PAX7: variants seen among roughly 807,000 people sequenced by gnomAD.
The protein encoded by PAX7 is paired box 7, also known as paired box protein Pax-7.
In PAX7, 18 loss-of-function variants were observed where a neutral mutation model predicts 50.7. That is an observed-to-expected ratio of 0.36 (90% CI 0.25 to 0.53). The LOEUF (loss-of-function observed/expected upper bound fraction) is 0.53, where lower values mean the gene tolerates loss of function less well. Ranked by LOEUF, PAX7 falls within the 20% of genes least tolerant of loss-of-function variation. The probability of loss-of-function intolerance (pLI) is 0.93; values close to 1 mark genes in which losing one functional copy is unlikely to be tolerated. For missense variants in PAX7, 644 were observed against 702.9 expected (o/e 0.92, Z 0.95); for synonymous variants, 310 against 290.4 (o/e 1.07, Z -0.69).
chr1:18,647,390 G>T (rs2100449175), intron 4 of PAX7, among the ~76,000 whole-genome samples: 1 of 151,736 alleles, frequency 6.6e-6, no homozygotes, highest in East Asian at 2.0e-4. Context: ...CAGGGAGCTG[G>T]GTACAGAGGT....
At chr1:18,659,460 G>C (rs958199420) in intron 4 of PAX7, among the ~76,000 whole-genome samples, 1 of 152,096 alleles carries the variant, frequency 6.6e-6, no homozygotes, top group Admixed American at 6.5e-5. Flanking sequence ...CTACTGAGGG[G>C]GCCTGAAAAG....
intron 4 of PAX7, among the ~76,000 whole-genome samples, chr1:18,672,618 G>T (rs12093653): frequency 0.39 from 34,546 of 89,272 alleles, 5,407 homozygotes; most frequent in African/African-American, 0.58. Context: ...TTTTTTTTTT[G>T]TGAGACTAAG....
At chr1:18,704,423 C>G (rs1557541204) in intron 7 of PAX7, among the ~76,000 whole-genome samples, 1 of 152,160 alleles carries the variant, frequency 6.6e-6, no homozygotes, top group Non-Finnish European at 1.5e-5. Context: ...GAGTTCGAGA[C>G]CAGCCTGGCC....
At chr1:18,661,431 C>T (rs926439170) in intron 4 of PAX7, among the ~76,000 whole-genome samples, 1 of 152,204 alleles carries the variant, frequency 6.6e-6, no homozygotes, top group Non-Finnish European at 1.5e-5. Context: ...GACTTTAATC[C>T]TCCTCCAGCT....
chr1:18,721,403 C>T (rs2089492147), intron 7 of PAX7, among the ~76,000 whole-genome samples: 1 of 152,362 alleles, frequency 6.6e-6, no homozygotes, highest in Non-Finnish European at 1.5e-5. Flanking sequence ...AGGGACTGAG[C>T]TTCCCGAATC....
chr1:18,705,945 G>A (rs375805748), intron 7 of PAX7, among the ~76,000 whole-genome samples: 1 of 152,206 alleles, frequency 6.6e-6, no homozygotes, highest in African/African-American at 2.4e-5. Context: ...GGGACCAGGA[G>A]GTGAACAGCT....
At chr1:18,642,243 C>T (rs149450616) in intron 4 of PAX7, among the ~76,000 whole-genome samples, 1 of 152,166 alleles carries the variant, frequency 6.6e-6, no homozygotes, top group African/African-American at 2.4e-5. Flanking sequence ...ATCATTCTAT[C>T]ACCATCAACA....
chr1:18,737,481 A>T (rs764178790), intron 8 of PAX7, among the ~76,000 whole-genome samples: 4 of 152,278 alleles, frequency 2.6e-5, no homozygotes, highest in Non-Finnish European at 5.9e-5. Context: ...GTGTATGTAC[A>T]CATGTGTGTA....
chr1:18,634,156 G>C lies in PAX7; in HGVS notation c.86-147G>C. 1.6e-6 allele frequency: 1 copy of C among 620,468 alleles called. No individual in the cohort carries two copies. Among genetic ancestry groups the C allele is most frequent in the Non-Finnish European group, 2.9e-6 (1 of 349,608 alleles). The allele number at this position is 620,468 out of a possible 1,614,324, so 38.4% of individuals were successfully genotyped here. A position where few individuals can be genotyped will look rare whatever the true frequency, so the allele number is the denominator to read the frequency against. On this transcript the variant is annotated intron_variant, in intron 1 of 8. Coordinates refer to ENST00000420770, the MANE Select transcript of PAX7 (RefSeq NM_001135254.2). This position sits in a 1 kb window ranked among gnomAD's most constrained non-coding sequence, Gnocchi z 4.0. ...TTGTTTCTCAAACTACCTACCTACCGAAGCCCCAGTGTGAGGACCACCGGG... is the reference window on the plus strand; with the variant it reads ...TTGTTTCTCAAACTACCTACCTACCCAAGCCCCAGTGTGAGGACCACCGGG...
intron 7 of PAX7, among the ~76,000 whole-genome samples, chr1:18,716,964 G>A (rs1216706707): frequency 4.3e-5 from 3 of 69,142 alleles, no homozygotes; most frequent in African/African-American, 1.8e-4. Context: ...CCAAGTCCAG[G>A]GCGGGGGTTG....
chr1:18,664,579 G>A (rs907320665), intron 4 of PAX7, among the ~76,000 whole-genome samples: 1 of 152,178 alleles, frequency 6.6e-6, no homozygotes, highest in Non-Finnish European at 1.5e-5. Flanking sequence ...AGCCCTCTAT[G>A]AACTAGCCTT....
intron 4 of PAX7, among the ~76,000 whole-genome samples, chr1:18,672,762 C>T (rs1189302283): frequency 2.0e-5 from 3 of 152,112 alleles, no homozygotes; most frequent in Middle Eastern, 3.4e-3. Context: ...TGTACTACCA[C>T]GCCCGGCTAA....
intron 7 of PAX7, among the ~76,000 whole-genome samples, chr1:18,733,154 A>G (rs1348657117): frequency 1.3e-5 from 1 of 74,636 alleles, no homozygotes; most frequent in Non-Finnish European, 4.0e-5. Flanking sequence ...TCTCCTCCCC[A>G]AGCCCCTTAG....
At chr1:18,639,231 G>T (rs1275907726) in intron 4 of PAX7, among the ~76,000 whole-genome samples, 1 of 152,166 alleles carries the variant, frequency 6.6e-6, no homozygotes, top group Non-Finnish European at 1.5e-5. Context: ...GGCATGGTAA[G>T]AAACTATTTA....
In PAX7 at chr1:18,747,441, G is replaced by A. The variant is rs1416296462; in HGVS notation, c.*2512G>A. The A allele has an allele frequency of 1.3e-5, 3 of 224,402 alleles. No individual in the cohort carries two copies. The highest frequency in any genetic ancestry group is 1.8e-5 in the Non-Finnish European group (2 of 112,530). 13.9% of individuals were successfully genotyped at this position (224,402 alleles called of 1,614,324 possible). A position where few individuals can be genotyped will look rare whatever the true frequency, so the allele number is the denominator to read the frequency against. ...CAGAAAGAGGCCCTTGACCCTGATAGGTTCTCTCTAAAACCCGTATATTAA... is the reference window on the plus strand; with the variant it reads ...CAGAAAGAGGCCCTTGACCCTGATAAGTTCTCTCTAAAACCCGTATATTAA... On this transcript the variant is annotated 3_prime_UTR_variant, in exon 9 of 9. Transcript: ENST00000420770.
chr1:18,659,294 C>G (rs2088567276), intron 4 of PAX7, among the ~76,000 whole-genome samples: 1 of 152,200 alleles, frequency 6.6e-6, no homozygotes, highest in African/African-American at 2.4e-5. Context: ...TCAATAAATG[C>G]TCCCTAACTT....
Position 18,634,978 on chromosome 1 carries a change from C to A in PAX7, c.322-133C>A. On this transcript the variant is annotated intron_variant, in intron 2 of 8. Coordinates refer to ENST00000420770, the MANE Select transcript of PAX7 (RefSeq NM_001135254.2). The surrounding 1 kb of genome is among the most constrained non-coding windows in gnomAD (Gnocchi z 4.0). ...TTTCTTGAAAGGATAAAGCCAATCT[C>A]TTGGGGGATGGGGGGACACAAGGTA... 8.6e-7 allele frequency: 1 copy of A among 1,162,272 alleles called. No individual in the cohort carries two copies. Among genetic ancestry groups the A allele is most frequent in the Non-Finnish European group, 1.2e-6 (1 of 837,172 alleles). The allele number at this position is 1,162,272 out of a possible 1,614,324, so 72.0% of individuals were successfully genotyped here. A position where few individuals can be genotyped will look rare whatever the true frequency, so the allele number is the denominator to read the frequency against.
intron 7 of PAX7, among the ~76,000 whole-genome samples, chr1:18,730,184 A>G (rs1182955704): frequency 1.3e-5 from 2 of 152,208 alleles, no homozygotes; most frequent in African/African-American, 2.4e-5. Flanking sequence ...CTCTCTAGGT[A>G]GCTACAATTA....
intron 4 of PAX7, among the ~76,000 whole-genome samples, chr1:18,637,446 A>G (rs957557767): frequency 2.6e-5 from 4 of 152,220 alleles, no homozygotes; most frequent in African/African-American, 9.6e-5. Flanking sequence ...AATCGGAAAG[A>G]CAGTGGCCAT....
Sources: gnomAD v4.1 joint callset for allele counts (sites outside exome capture counted in the v4.1 genomes callset) on GRCh38, gnomAD v4.1.1 for gene constraint, Gnocchi (gnomAD v3.1) non-coding constraint, MANE v1.5 for transcripts, NCBI Gene and HGNC (gene_info 2026-07-23, HGNC 2026-07-21) for gene names.